Variants in DCUN1D2 observed in about 807,000 individuals in gnomAD.
DCUN1D2 encodes the protein DCN1-like protein 2.
DCUN1D2 carries 29 observed loss-of-function variants against 30.9 expected under a neutral mutation model. The observed-to-expected ratio is 0.94, with a 90% CI of 0.70 to 1.28. The LOEUF is 1.28. Among genes scored for constraint, DCUN1D2 ranks in the 50% most tolerant of loss-of-function variants. The pLI, the probability that DCUN1D2 is intolerant of heterozygous loss-of-function variation, is 0.00. For missense variants in DCUN1D2, 325 were observed against 316.9 expected, an observed-to-expected ratio of 1.03 and a Z score of -0.19; for synonymous variants, 121 against 115.3, an observed-to-expected ratio of 1.05 and a Z score of -0.32.
upstream of DCUN1D2, chr13:113,490,727 G>A (rs767331539): frequency 1.7e-6 from 2 of 1,180,120 alleles, no homozygotes; most frequent in Non-Finnish European, 2.1e-6. The surrounding 1 kb of genome is among the most constrained non-coding windows in gnomAD (Gnocchi z 5.2). Flanking sequence ...CGCGGCGGCG[G>A]CTCCGCCCTC....
At chr13:113,468,123 T>C (rs887217307) in intron 4 of DCUN1D2, among the ~76,000 whole-genome samples, 5 of 151,600 alleles carry the variant, frequency 3.3e-5, no homozygotes, top group Non-Finnish European at 7.4e-5. Flanking sequence ...AGCAGTGTTA[T>C]TCACAATAGC....
intron 4 of DCUN1D2, among the ~76,000 whole-genome samples, chr13:113,465,509 A>AC (rs1566494609): frequency 1.3e-5 from 2 of 151,634 alleles, no homozygotes; most frequent in East Asian, 1.9e-4. Flanking sequence ...TAAAAAAAAA[A>AC]AAACAAACAA....
At chr13:113,462,306 A>C (rs2139679044) in intron 4 of DCUN1D2, among the ~76,000 whole-genome samples, 1 of 151,798 alleles carries the variant, frequency 6.6e-6, no homozygotes, top group Non-Finnish European at 1.5e-5. Flanking sequence ...TAAATACATA[A>C]AGTGACCTCC....
At position 113,458,000 on chromosome 13, in the gene DCUN1D2, C is replaced by T; in HGVS notation, c.*29G>A. 1 of 1,595,156 alleles carries T rather than the reference C, an allele frequency of 6.3e-7. No individual in the cohort carries two copies. Among genetic ancestry groups the T allele is most frequent in the Non-Finnish European group, 8.6e-7 (1 of 1,162,896 alleles). On this transcript the variant is annotated 3_prime_UTR_variant, in exon 7 of 7. Transcript: ENST00000478244. ...TCTCCTTGCAGGATACAAATCATTT[C>T]ATAATCTTACTCCTGCTTAACTTGC... is the stretch of plus-strand genomic sequence containing the variant.
chr13:113,461,085 T>G lies in DCUN1D2; in HGVS notation c.572A>C (p.Lys191Thr), dbSNP rs2044311002. Residue 191 changes from lysine to threonine, a missense_variant, in exon 5 of 7, where the codon AAA becomes ACA. Physicochemically the swap from Lys to Thr is moderately conservative, Grantham distance 78. Coordinates refer to ENST00000478244, the MANE Select transcript of DCUN1D2 (RefSeq NM_001014283.2). ...YWKLVLSGRF[K>T]FLDLWNTFLM... ...GAATGTGTTCCAGAGATCTAAAAAT[T>G]TAAACCTTCCAGATAACACTAATTT... 1 of 1,611,402 alleles carries G rather than the reference T, an allele frequency of 6.2e-7. No individual in the cohort carries two copies. Among genetic ancestry groups the G allele is most frequent in the Admixed American group, 1.7e-5 (1 of 59,788 alleles).
At chr13:113,466,932 G>C (rs994331485) in intron 4 of DCUN1D2, among the ~76,000 whole-genome samples, 1 of 150,858 alleles carries the variant, frequency 6.6e-6, no homozygotes. Flanking sequence ...TCAGCCTCCT[G>C]AGTAGCTGGG....
At chr13:113,474,450 A>G (rs934185531) in intron 3 of DCUN1D2, among the ~76,000 whole-genome samples, 196 bp from the exon 4 acceptor site, 2 of 152,204 alleles carry the variant, frequency 1.3e-5, no homozygotes, top group African/African-American at 4.8e-5. Context: ...CTCCCTTGCT[A>G]AAAGGAATTC....
At chr13:113,467,266 T>A (rs942430695) in intron 4 of DCUN1D2, among the ~76,000 whole-genome samples, 1 of 152,190 alleles carries the variant, frequency 6.6e-6, no homozygotes, top group Non-Finnish European at 1.5e-5. Flanking sequence ...GGTAGAAATA[T>A]CTAGAGGACG....
rs148536121 is a variant in DCUN1D2 at position 113,481,104 on chromosome 13, T to C, written c.221-361A>G. ...CCCAAAGGCAAACTGCTATAAAATATACTGTATTGATAAAGTATTTACAAT... is the reference window on the plus strand; with the variant it reads ...CCCAAAGGCAAACTGCTATAAAATACACTGTATTGATAAAGTATTTACAAT... On this transcript the variant is annotated intron_variant, in intron 2 of 6. Transcript: ENST00000478244. 4.9e-4 allele frequency among the ~76,000 whole-genome samples: 75 copies of C among 152,304 alleles called. No homozygotes were observed. In the East Asian group the frequency reaches 0.014, roughly 28 times the overall value.
intron 2 of DCUN1D2, among the ~76,000 whole-genome samples, chr13:113,481,492 C>G (rs1193892849): frequency 2.0e-5 from 3 of 152,178 alleles, no homozygotes; most frequent in Admixed American, 6.5e-5. Context: ...CTTCTCTGCT[C>G]AAAGAAAGAT....
chr13:113,485,398 T>C (rs1177734988), intron 1 of DCUN1D2, among the ~76,000 whole-genome samples: 1 of 152,186 alleles, frequency 6.6e-6, no homozygotes, highest in African/African-American at 2.4e-5. Context: ...AGGACGTGCC[T>C]GTCACATGTA....
In DCUN1D2 at chr13:113,490,622, C is replaced by T; in HGVS notation, c.3+45G>A. On this transcript the variant is annotated intron_variant, in intron 1 of 6. Transcript: ENST00000478244. This position sits in a 1 kb window ranked among gnomAD's most constrained non-coding sequence, Gnocchi z 5.2. ...GCCTGCGCCGACCTTGGGGCCCGAC[C>T]CCGACCCCGACCCCGACGGGCAGAG... The T allele has an allele frequency of 8.2e-7, 1 of 1,220,738 alleles. No homozygotes were observed. Among genetic ancestry groups the T allele is most frequent in the Admixed American group, 4.4e-5 (1 of 22,650 alleles). The allele number at this position is 1,220,738 out of a possible 1,614,324, so 75.6% of individuals were successfully genotyped here.
chr13:113,461,713 A>C (rs1414106938), intron 4 of DCUN1D2, among the ~76,000 whole-genome samples: 1 of 152,224 alleles, frequency 6.6e-6, no homozygotes, highest in African/African-American at 2.4e-5. Context: ...TACACAGGAC[A>C]CTGCGTATCA....
At chr13:113,481,689 G>T (rs1481457928) in intron 2 of DCUN1D2, among the ~76,000 whole-genome samples, 35 of 152,054 alleles carry the variant, frequency 2.3e-4, no homozygotes, top group African/African-American at 7.2e-4. Flanking sequence ...TTCAAGACCA[G>T]CCTGGCCAAC....
upstream of DCUN1D2, chr13:113,490,724 G>A (rs759071215): frequency 8.4e-7 from 1 of 1,184,696 alleles, no homozygotes; most frequent in Non-Finnish European, 1.0e-6. This position sits in a 1 kb window ranked among gnomAD's most constrained non-coding sequence, Gnocchi z 5.2. Context: ...AGGCGCGGCG[G>A]CGGCTCCGCC....
rs917924068 is a variant in DCUN1D2, at chr13:113,488,770, G to A, written c.3+1897C>T. ...AGGTGGATACACTGGAACTAGGGCC[G>A]CCCTTCAAGCTCACAACCTTCACTG... On this transcript the variant is annotated intron_variant, in intron 1 of 6. Coordinates refer to ENST00000478244, the MANE Select transcript of DCUN1D2 (RefSeq NM_001014283.2). This position sits in a 1 kb window ranked among gnomAD's most constrained non-coding sequence, Gnocchi z 4.3. 2.4e-4 allele frequency among the ~76,000 whole-genome samples: 36 copies of A among 152,176 alleles called. No individual in the cohort carries two copies. The highest frequency in any genetic ancestry group is 7.5e-4 in the African/African-American group (31 of 41,444).
intron 2 of DCUN1D2, among the ~76,000 whole-genome samples, chr13:113,483,169 G>A (rs1277040291): frequency 6.6e-6 from 1 of 152,168 alleles, no homozygotes; most frequent in African/African-American, 2.4e-5. Flanking sequence ...TTTAAAGCCT[G>A]CAGAGGGGCG....
At chr13:113,458,396 G>A (rs1005589798) in intron 6 of DCUN1D2, among the ~76,000 whole-genome samples, 4 of 152,200 alleles carry the variant, frequency 2.6e-5, no homozygotes, top group Non-Finnish European at 5.9e-5. Context: ...AGCTGCTCAG[G>A]AAGGGAGCTA....
At chr13:113,484,149 T>A in intron 1 of DCUN1D2, 93 bp from the exon 2 acceptor site, 3 of 1,562,394 alleles carry the variant, frequency 1.9e-6, no homozygotes, top group Non-Finnish European at 2.6e-6. Flanking sequence ...TGGGCAGAAT[T>A]AGAGACAAAG....
Sources: gnomAD v4.1 joint callset for allele counts (sites outside exome capture counted in the v4.1 genomes callset) on GRCh38, gnomAD v4.1.1 for gene constraint, Gnocchi (gnomAD v3.1) non-coding constraint, MANE v1.5 for transcripts, NCBI Gene and HGNC (gene_info 2026-07-23, HGNC 2026-07-21) for gene names.